Variants in NDUFA10 observed in about 807,000 individuals in gnomAD.
The protein encoded by NDUFA10 is NADH:ubiquinone oxidoreductase subunit A10, also known as NADH dehydrogenase [ubiquinone] 1 alpha subcomplex subunit 10, mitochondrial.
A neutral mutation model predicts 47.8 loss-of-function variants in NDUFA10; 40 were observed. The observed-to-expected ratio is 0.84, with a 90% CI of 0.65 to 1.09. The LOEUF (loss-of-function observed/expected upper bound fraction) is 1.09. Among genes scored for constraint, NDUFA10 ranks in the 50% least tolerant of loss-of-function variants. The pLI is 0.00. For missense variants in NDUFA10, 413 were observed against 451.1 expected (o/e 0.92, Z 0.76); for synonymous variants, 183 against 172.2 (o/e 1.06, Z -0.49).
intron 9 of NDUFA10, among the ~76,000 whole-genome samples, chr2:239,980,512 G>T (rs1248738260): frequency 6.6e-6 from 1 of 152,172 alleles, no homozygotes; most frequent in African/African-American, 2.4e-5. Context: ...AATACCTATT[G>T]AGTATATAAA....
Position 239,959,817 on chromosome 2 carries a change from G to C in NDUFA10, c.*1301C>G. 1 of 883,874 alleles carries C rather than the reference G, an allele frequency of 1.1e-6. No individual in the cohort carries two copies. Among genetic ancestry groups the C allele is most frequent in the Non-Finnish European group, 1.4e-6 (1 of 737,890 alleles). The allele number at this position is 883,874 out of a possible 1,614,324, so 54.8% of individuals were successfully genotyped here. ...CAGATGGAAGGAAGAAAGGAAGGGA[G>C]GGAAGGAGGAGGAAAGAAGGAGGGA... On this transcript the variant is annotated 3_prime_UTR_variant, in exon 10 of 10. Transcript: ENST00000252711.
rs751922975 is a variant in NDUFA10, at chr2:240,011,599, G to A, written c.749+18C>T. ...GAAGAAGTTTTAGCCCTGTAAATCAGTCGTGTGTTTGGCTCACCTCATCTC... is the reference window on the plus strand; with the variant it reads ...GAAGAAGTTTTAGCCCTGTAAATCAATCGTGTGTTTGGCTCACCTCATCTC... On this transcript the variant is annotated intron_variant, in intron 6 of 9. Transcript: ENST00000252711. 2 of 1,593,024 alleles carry A rather than the reference G, an allele frequency of 1.3e-6. No homozygotes were observed. The highest frequency in any genetic ancestry group is 1.7e-6 in the Non-Finnish European group (2 of 1,160,792).
chr2:239,912,689 A>G (rs1048788904), intron 4 of NDUFA10, among the ~76,000 whole-genome samples: 2 of 152,160 alleles, frequency 1.3e-5, no homozygotes, highest in Non-Finnish European at 2.9e-5. Context: ...GGGGCCACAC[A>G]TACCCCTATC....
chr2:239,899,569 A>G (rs2106463614), intron 4 of NDUFA10, among the ~76,000 whole-genome samples: 1 of 152,092 alleles, frequency 6.6e-6, no homozygotes. Flanking sequence ...CAGGCCAGGT[A>G]CCTGGAAAAT....
chr2:239,914,444 TAC>T (rs1157616465), intron 4 of NDUFA10, among the ~76,000 whole-genome samples: 13 of 102,634 alleles, frequency 1.3e-4, no homozygotes, highest in Admixed American at 3.0e-4. Flanking sequence ...CACACAGAGA[TAC>T]ACACACAAAC....
chr2:239,901,432 A>G (rs552284714), intron 4 of NDUFA10, among the ~76,000 whole-genome samples: 193 of 152,244 alleles, frequency 1.3e-3, no homozygotes, highest in Non-Finnish European at 2.3e-3. Flanking sequence ...TGATTCACGA[A>G]GTATTTTAAG....
At chr2:239,942,648 G>A (rs1012842967) in intron 4 of NDUFA10, among the ~76,000 whole-genome samples, 17 of 151,684 alleles carry the variant, frequency 1.1e-4, no homozygotes, top group Non-Finnish European at 7.4e-5. Flanking sequence ...CGAGCTGTGC[G>A]TCCTCTGCCT....
At chr2:239,938,047 T>A (rs1574791572) in intron 4 of NDUFA10, among the ~76,000 whole-genome samples, 2 of 152,196 alleles carry the variant, frequency 1.3e-5, no homozygotes, top group East Asian at 3.9e-4. Flanking sequence ...GGTGGCCTTT[T>A]CCCTGCATCC....
intron 9 of NDUFA10, chr2:239,973,637 G>A: frequency 2.1e-6 from 1 of 469,566 alleles, no homozygotes; most frequent in Non-Finnish European, 4.4e-6. Context: ...ACAGCATCTG[G>A]CTTCCTTCCA....
chr2:239,993,736 A>G (rs1457657030), intron 8 of NDUFA10, among the ~76,000 whole-genome samples: 1 of 152,198 alleles, frequency 6.6e-6, no homozygotes, highest in East Asian at 1.9e-4. Flanking sequence ...GCAGTGTTAG[A>G]GACAAGGGAG....
At chr2:239,982,000 C>A in intron 9 of NDUFA10, 1 of 1,387,854 alleles carries the variant, frequency 7.2e-7, no homozygotes, top group East Asian at 2.5e-5. Flanking sequence ...CCTCCACTTG[C>A]TCCAGGAAAT....
intron 4 of NDUFA10, among the ~76,000 whole-genome samples, chr2:240,017,148 G>A (rs138519723): frequency 1.3e-3 from 194 of 152,272 alleles, no homozygotes; most frequent in African/African-American, 4.5e-3. Context: ...ATGAAGGCCT[G>A]CAACCATTTT....
chr2:239,942,752 T>C (rs2106379474), intron 4 of NDUFA10, among the ~76,000 whole-genome samples: 1 of 152,226 alleles, frequency 6.6e-6, no homozygotes, highest in East Asian at 1.9e-4. Context: ...TGCCCTCCCC[T>C]TCCCTGCCTT....
chr2:239,916,413 AGC>A (rs968720871), intron 4 of NDUFA10, among the ~76,000 whole-genome samples: 1 of 151,714 alleles, frequency 6.6e-6, no homozygotes, highest in Non-Finnish European at 1.5e-5. Flanking sequence ...CACACACAGT[AGC>A]GCACACACAC....
At chr2:239,951,574 T>C (rs1694552512) in intron 4 of NDUFA10, among the ~76,000 whole-genome samples, 1 of 152,134 alleles carries the variant, frequency 6.6e-6, no homozygotes, top group African/African-American at 2.4e-5. Flanking sequence ...CAGTACAGGA[T>C]GTGCCGGACA....
intron 6 of NDUFA10, among the ~76,000 whole-genome samples, chr2:240,010,258 C>T (rs1574884027): frequency 6.6e-6 from 1 of 152,136 alleles, no homozygotes; most frequent in African/African-American, 2.4e-5. Flanking sequence ...TGTATCTGTT[C>T]CTAAAACAGG....
At chr2:240,015,104 T>G (rs990269958) in intron 4 of NDUFA10, among the ~76,000 whole-genome samples, 8 of 152,236 alleles carry the variant, frequency 5.3e-5, no homozygotes, top group South Asian at 2.1e-4. Flanking sequence ...AAACAGGGCT[T>G]GTCGCCTCCA....
chr2:240,014,869 T>G lies in NDUFA10; in HGVS notation c.548-9A>C, dbSNP rs147876332. 1.2e-6 allele frequency: 2 copies of G among 1,614,106 alleles called. No homozygotes were observed. The highest frequency in any genetic ancestry group is 2.2e-5 in the South Asian group (2 of 91,082). ...GTTGTAGTGGTCCACACCTGGCACA[T>G]AGGAGAAAGGGGCGCTGTCACCTAC... On this transcript the variant is annotated splice_polypyrimidine_tract_variant and intron_variant, in intron 4 of 9. Coordinates refer to ENST00000252711, the MANE Select transcript of NDUFA10 (RefSeq NM_004544.4).
At chr2:240,018,732 A>T in intron 3 of NDUFA10, 93 bp from the exon 4 acceptor site, 1 of 1,285,696 alleles carries the variant, frequency 7.8e-7, no homozygotes, top group Admixed American at 1.9e-5. Context: ...GAAAATAACA[A>T]TCATTTACAA....
Sources: gnomAD v4.1 joint callset for allele counts (sites outside exome capture counted in the v4.1 genomes callset) on GRCh38, gnomAD v4.1.1 for gene constraint, MANE v1.5 for transcripts, NCBI Gene and HGNC (gene_info 2026-07-23, HGNC 2026-07-21) for gene names.